Variants in OPCML observed in about 807,000 individuals in gnomAD.
OPCML encodes the protein opioid binding protein/cell adhesion molecule like, also known as opioid-binding protein/cell adhesion molecule.
In OPCML, 13 loss-of-function variants were observed where a neutral mutation model predicts 37.8. The observed-to-expected ratio is 0.34, with a 90% confidence interval of 0.22 to 0.55. OPCML has a LOEUF of 0.55. Ranked by LOEUF, OPCML falls within the 20% of genes least tolerant of loss-of-function variation. The pLI, the probability that OPCML is intolerant of heterozygous loss-of-function variation, is 0.91. For synonymous variants in OPCML, 176 were observed against 168.8 expected, an observed-to-expected ratio of 1.04 and a Z score of -0.33; for missense variants, 341 against 435.6, an observed-to-expected ratio of 0.78 and a Z score of 1.93.
At chr11:132,888,503 C>T (rs538989809) in intron 2 of OPCML, among the ~76,000 whole-genome samples, 7 of 152,178 alleles carry the variant, frequency 4.6e-5, no homozygotes, top group African/African-American at 1.7e-4. Flanking sequence ...TTTCTCCCCC[C>T]ACGCATCTGC....
intron 4 of OPCML, among the ~76,000 whole-genome samples, chr11:132,494,381 T>G (rs1565611441): frequency 6.6e-6 from 1 of 152,226 alleles, no homozygotes; most frequent in Non-Finnish European, 1.5e-5. Flanking sequence ...AATAAAGTTT[T>G]TTTCTTTGCA....
rs189986251 is a variant in OPCML at position 133,474,302 on chromosome 11, T to A, written c.61+57962A>T. Among the ~76,000 whole-genome samples, 25 of 152,324 alleles carry A rather than the reference T, an allele frequency of 1.6e-4. No homozygotes were observed. In the East Asian group the frequency reaches 4.6e-3, roughly 28 times the overall value. On this transcript the variant is annotated intron_variant, in intron 1 of 7. Transcript: ENST00000524381. ...CCCAGATAGGAAAGTAGATGGACTCTTTGTAACACACATTGTAAAAATCCC... is the reference window on the plus strand; with the variant it reads ...CCCAGATAGGAAAGTAGATGGACTCATTGTAACACACATTGTAAAAATCCC...
chr11:133,067,200 A>G (rs1948454790), intron 1 of OPCML: 1 of 152,180 alleles, frequency 6.6e-6, no homozygotes, highest in South Asian at 2.1e-4. Flanking sequence ...AAGATGTGTG[A>G]TTAGTGCCAT....
Position 133,131,562 on chromosome 11 carries a change from G to A in OPCML, c.62-188552C>T, listed in dbSNP as rs114635804. 9.7e-3 allele frequency among the ~76,000 whole-genome samples: 1,474 copies of A among 152,276 alleles called. 24 individuals are homozygous for A. Among genetic ancestry groups the A allele is most frequent in the African/African-American group, 0.033 (1,387 of 41,552 alleles). On this transcript the variant is annotated intron_variant, in intron 1 of 7. Transcript: ENST00000524381. ...CAACAGGAACTCTCAATCATTGCTG[G>A]TGGAAATGTAAAATGATGCAGACAA...
At chr11:133,342,845 G>C (rs1016709122) in intron 1 of OPCML, among the ~76,000 whole-genome samples, 1 of 152,100 alleles carries the variant, frequency 6.6e-6, no homozygotes, top group African/African-American at 2.4e-5. Flanking sequence ...GGTACCTTAG[G>C]CCTTCATGGA....
intron 1 of OPCML, among the ~76,000 whole-genome samples, chr11:133,246,488 G>C (rs1940930199): frequency 6.6e-6 from 1 of 152,200 alleles, no homozygotes. Context: ...GCAAGTTGCA[G>C]GGGGACAGTA....
intron 2 of OPCML, among the ~76,000 whole-genome samples, chr11:132,708,074 G>C (rs1438368233): frequency 2.0e-5 from 3 of 152,090 alleles, no homozygotes; most frequent in African/African-American, 7.2e-5. Context: ...GTGTCATGTT[G>C]GAATTTGCCT....
chr11:132,755,488 G>T (rs1193353652), intron 2 of OPCML, among the ~76,000 whole-genome samples: 3 of 152,068 alleles, frequency 2.0e-5, no homozygotes, highest in African/African-American at 7.2e-5. Context: ...TATTGCACGT[G>T]GTTGCTATAT....
chr11:133,322,059 T>G lies in OPCML; in HGVS notation c.61+210205A>C, dbSNP rs117593332. ...ATGCCATCAACTTTCAATTATTCATTCAAATGAAAGGCAGCTGCTAGTTTA... is the reference window on the plus strand; with the variant it reads ...ATGCCATCAACTTTCAATTATTCATGCAAATGAAAGGCAGCTGCTAGTTTA... On this transcript the variant is annotated intron_variant, in intron 1 of 7. Transcript: ENST00000524381. Among the ~76,000 whole-genome samples the G allele has an allele frequency of 6.0e-3, 908 of 152,298 alleles. 2 individuals carry two copies. The highest frequency in any genetic ancestry group is 0.014 in the Middle Eastern group (4 of 294).
chr11:132,561,289 A>T (rs948129997), intron 3 of OPCML, among the ~76,000 whole-genome samples: 1 of 152,182 alleles, frequency 6.6e-6, no homozygotes, highest in African/African-American at 2.4e-5. Flanking sequence ...TCCATCTTCC[A>T]CATTGATGAG....
intron 2 of OPCML, among the ~76,000 whole-genome samples, chr11:132,770,041 T>G (rs1407639218): frequency 6.6e-6 from 1 of 152,140 alleles, no homozygotes; most frequent in Admixed American, 6.5e-5. Flanking sequence ...CAGTGTTAAA[T>G]GATTCTGAAG....
At chr11:133,014,978 G>A (rs918620591) in intron 1 of OPCML, among the ~76,000 whole-genome samples, 2 of 152,146 alleles carry the variant, frequency 1.3e-5, no homozygotes, top group Non-Finnish European at 2.9e-5. Flanking sequence ...ATGGAATAAC[G>A]TCCAGCAATC....
At chr11:133,124,324 C>T (rs750018908) in intron 1 of OPCML, among the ~76,000 whole-genome samples, 1 of 152,120 alleles carries the variant, frequency 6.6e-6, no homozygotes, top group Non-Finnish European at 1.5e-5. Context: ...GCAAAGCTCT[C>T]AGCAAATTCA....
At chr11:132,931,099 A>C (rs532617527) in intron 2 of OPCML, among the ~76,000 whole-genome samples, 260 of 152,210 alleles carry the variant, frequency 1.7e-3, no homozygotes, top group African/African-American at 5.8e-3. Context: ...TGTTGAAAAA[A>C]CTGGATATTG....
chr11:133,013,918 T>C (rs1402671769), intron 1 of OPCML, among the ~76,000 whole-genome samples: 1 of 152,208 alleles, frequency 6.6e-6, no homozygotes, highest in Non-Finnish European at 1.5e-5. Flanking sequence ...AGGAAGCAGA[T>C]GCACGACAGC....
intron 2 of OPCML, among the ~76,000 whole-genome samples, chr11:132,675,971 T>A (rs1181851470): frequency 6.6e-6 from 1 of 152,094 alleles, no homozygotes; most frequent in East Asian, 1.9e-4. Flanking sequence ...TCCAAGGGAC[T>A]CAGAACAGCC....
At chr11:133,364,256 C>T (rs1322773622) in intron 1 of OPCML, among the ~76,000 whole-genome samples, 1 of 152,212 alleles carries the variant, frequency 6.6e-6, no homozygotes, top group Non-Finnish European at 1.5e-5. Context: ...ACCACCTATA[C>T]TACCAGCTAT....
chr11:133,040,278 C>T (rs1478097511), intron 1 of OPCML, among the ~76,000 whole-genome samples: 1 of 152,110 alleles, frequency 6.6e-6, no homozygotes, highest in Non-Finnish European at 1.5e-5. Context: ...TGAGCTATTC[C>T]AGTTCTTCTC....
chr11:133,116,096 G>A (rs1482585465), intron 1 of OPCML, among the ~76,000 whole-genome samples: 2 of 152,048 alleles, frequency 1.3e-5, no homozygotes, highest in Non-Finnish European at 2.9e-5. Context: ...AGCCTCCCAA[G>A]TAGCTGGAAT....
Sources: gnomAD v4.1 joint callset for allele counts (sites outside exome capture counted in the v4.1 genomes callset) on GRCh38, gnomAD v4.1.1 for gene constraint, MANE v1.5 for transcripts, NCBI Gene and HGNC (gene_info 2026-07-23, HGNC 2026-07-21) for gene names.